The following RAG1 variants were observed in gnomAD, a reference collection of about 807,000 sequenced individuals.
The protein encoded by RAG1 is recombination activating 1, also known as V(D)J recombination-activating protein 1.
RAG1 carries 35 observed loss-of-function variants against 62.7 expected under a neutral mutation model. The observed-to-expected ratio is 0.56, with a 90% CI of 0.43 to 0.74. The LOEUF is 0.74. Ranked by LOEUF, RAG1 falls within the 30% of genes least tolerant of loss-of-function variation. RAG1 has a pLI of 0.00. For synonymous variants in RAG1, 461 were observed against 470.3 expected (o/e 0.98, Z 0.26); for missense variants, 1,169 against 1,278.6 (o/e 0.91, Z 1.31).
chr11:36,510,941 T>C lies in RAG1; in HGVS notation n.233T>C, dbSNP rs1452775767. 4 of 152,186 alleles carry C rather than the reference T, an allele frequency of 2.6e-5. No individual in the cohort carries two copies. In the East Asian group the frequency reaches 7.7e-4, roughly 29 times the overall value. 9.4% of individuals were successfully genotyped at this position (152,186 alleles called of 1,614,324 possible). ...CATATTTGGTTCATCGTCCACCTCT[T>C]AGGGGAGGTTTTCCAGGATAGTAGT... On this transcript the variant is annotated non_coding_transcript_exon_variant, in exon 1 of 3. Coordinates refer to the RAG1 transcript ENST00000529126.
In RAG1 at chr11:36,574,782, C is replaced by T. The variant is rs1850813324; in HGVS notation, c.1478C>T (p.Ala493Val). 6.2e-7 allele frequency: 1 copy of T among 1,614,086 alleles called. No homozygotes were observed. Among genetic ancestry groups the T allele is most frequent in the African/African-American group, 1.3e-5 (1 of 74,932 alleles). The change falls in exon 2 of 2, where the codon GCC (alanine) becomes GTC (valine). Residue 493 changes from alanine (A) to valine (V), a missense_variant. This residue lies in a region of RAG1 where 800 missense variants were observed against 943.3 expected (regional missense o/e 0.85). Coordinates refer to ENST00000299440, the MANE Select transcript of RAG1 (RefSeq NM_000448.3). ...QYHKMYRTVK[A>V]ITGRQIFQPL... The stretch of plus-strand genomic sequence containing the variant: ...CACAAGATGTACAGGACTGTGAAAG[C>T]CATCACAGGGAGACAGATTTTTCAG...
chr11:36,562,335 C>T (rs535967135), intron 3 of RAG1, among the ~76,000 whole-genome samples: 4 of 152,262 alleles, frequency 2.6e-5, no homozygotes, highest in East Asian at 1.9e-4. Context: ...TTGTATTTAA[C>T]GGTGTGCAAA....
chr11:36,515,715 G>A (rs995134163), intron 1 of RAG1, among the ~76,000 whole-genome samples: 7 of 152,084 alleles, frequency 4.6e-5, no homozygotes, highest in East Asian at 1.9e-4. Flanking sequence ...GGAGGCTCCC[G>A]GGGAGACTGT....
chr11:36,561,296 T>C (rs138838149), intron 3 of RAG1, among the ~76,000 whole-genome samples: 216 of 152,332 alleles, frequency 1.4e-3, no homozygotes, highest in African/African-American at 5.0e-3. Context: ...CATGGTCTCC[T>C]ACAACTTCCT....
chr11:36,515,301 T>G (rs1198352369), intron 1 of RAG1, among the ~76,000 whole-genome samples: 1 of 151,926 alleles, frequency 6.6e-6, no homozygotes, highest in Admixed American at 6.6e-5. Flanking sequence ...TTCGATATGA[T>G]GGGACCTAGG....
At chr11:36,572,925 C>T (rs895279005) in intron 1 of RAG1, among the ~76,000 whole-genome samples, 1 of 152,162 alleles carries the variant, frequency 6.6e-6, no homozygotes, top group Non-Finnish European at 1.5e-5. Context: ...GCCTGTTTAT[C>T]TTTACATTTA....
chr11:36,576,278 A>G lies in RAG1; in HGVS notation c.2974A>G (p.Lys992Glu), dbSNP rs539590514. 2.6e-5 allele frequency: 42 copies of G among 1,613,992 alleles called. No homozygotes were observed. The highest frequency in any genetic ancestry group is 2.7e-5 in the African/African-American group (2 of 74,926). ...ATGCTATGAGATGGAAGATGTCCTGAAACACCACTGGTTGTACACCTCCAA... is the reference window on the plus strand; with the variant it reads ...ATGCTATGAGATGGAAGATGTCCTGGAACACCACTGGTTGTACACCTCCAA... ...SKCYEMEDVL[K>E]HHWLYTSKYL... The change falls in exon 2 of 2, where the codon AAA (lysine) becomes GAA (glutamate). Residue 992 changes from lysine (K) to glutamate (E), a missense_variant. Coordinates refer to ENST00000299440, the MANE Select transcript of RAG1 (RefSeq NM_000448.3).
chr11:36,550,680 A>G (rs1850468392), intron 3 of RAG1, among the ~76,000 whole-genome samples: 1 of 152,138 alleles, frequency 6.6e-6, no homozygotes. Context: ...AAATGATGTC[A>G]TCAGTCTTTT....
intron 3 of RAG1, among the ~76,000 whole-genome samples, chr11:36,547,524 G>A (rs1343673115): frequency 3.3e-5 from 5 of 152,152 alleles, no homozygotes; most frequent in Non-Finnish European, 7.3e-5. Context: ...AGAAAATCTA[G>A]AAGAAATGGA....
intron 1 of RAG1, among the ~76,000 whole-genome samples, chr11:36,518,558 T>C (rs1860030096): frequency 6.6e-6 from 1 of 152,234 alleles, no homozygotes; most frequent in South Asian, 2.1e-4. Context: ...TGGTATCTCA[T>C]TGTGGTTTTG....
chr11:36,573,581 G>A lies in RAG1; in HGVS notation c.277G>A (p.Asp93Asn), dbSNP rs751291400. 24 of 1,613,978 alleles carry A rather than the reference G, an allele frequency of 1.5e-5. No individual in the cohort carries two copies. The highest frequency in any genetic ancestry group is 1.1e-4 in the South Asian group (10 of 91,074). Residue 93 changes from aspartate (D) to asparagine (N), a missense_variant, in exon 2 of 2, where the codon GAC (aspartate) becomes AAC (asparagine). Asp to Asn is a conservative substitution (Grantham distance 23). Transcript: ENST00000299440. Reference sequence around the variant, plus strand: ...CCCTAAGTTTTCAAAGAAATTTCACGACAACGAGAAAGCAAGAGGCAAAGC... The same window carrying A: ...CCCTAAGTTTTCAAAGAAATTTCACAACAACGAGAAAGCAAGAGGCAAAGC... ...AHPKFSKKFH[D>N]NEKARGKAIH...
At chr11:36,519,403 T>C (rs1242059147) in intron 1 of RAG1, among the ~76,000 whole-genome samples, 2 of 152,234 alleles carry the variant, frequency 1.3e-5, no homozygotes, top group African/African-American at 4.8e-5. Flanking sequence ...AAGTCACTTA[T>C]ATTTACTTCA....
chr11:36,560,514 C>A (rs1174221380), intron 3 of RAG1, among the ~76,000 whole-genome samples: 1 of 152,142 alleles, frequency 6.6e-6, no homozygotes, highest in Non-Finnish European at 1.5e-5. Flanking sequence ...TGCCAGGACA[C>A]TGGCTTCCAG....
intron 1 of RAG1, 30 bp downstream of exon 1, chr11:36,568,152 C>T (rs900942043): frequency 2.6e-5 from 4 of 152,112 alleles, no homozygotes; most frequent in Admixed American, 2.6e-4. Flanking sequence ...TGCCTTGAGC[C>T]AAAATATTTA....
At chr11:36,547,283 C>A (rs1353975344) in intron 3 of RAG1, among the ~76,000 whole-genome samples, 1 of 151,988 alleles carries the variant, frequency 6.6e-6, no homozygotes, top group Non-Finnish European at 1.5e-5. Context: ...AAGATCAGAG[C>A]AGAACTGATG....
At chr11:36,567,798 G>A (rs1219488491), upstream of RAG1, among the ~76,000 whole-genome samples, 2 of 152,176 alleles carry the variant, frequency 1.3e-5, no homozygotes, top group Admixed American at 1.3e-4. Flanking sequence ...TCTCAGGGAG[G>A]GAACTGGCAG....
At chr11:36,514,533 A>G (rs767894037) in intron 1 of RAG1, among the ~76,000 whole-genome samples, 1 of 152,196 alleles carries the variant, frequency 6.6e-6, no homozygotes, top group Non-Finnish European at 1.5e-5. Context: ...ACATTGCACT[A>G]TATAATGAAA....
chr11:36,529,061 G>T (rs955773674), intron 2 of RAG1, among the ~76,000 whole-genome samples: 2 of 152,080 alleles, frequency 1.3e-5, no homozygotes, highest in Admixed American at 1.3e-4. Context: ...TCTACCAGAG[G>T]TACATAGAGG....
chr11:36,577,851 A>C lies in RAG1; in HGVS notation c.*1415A>C, dbSNP rs540733693. On this transcript the variant is annotated 3_prime_UTR_variant, in exon 2 of 2. Transcript: ENST00000299440. ...AGGATTCACAACTAATCACTATAGC[A>C]CATGACCTTGGGATTACATTTTTAT... 6.6e-5 allele frequency: 11 copies of C among 167,232 alleles called. No homozygotes were observed. Among genetic ancestry groups the C allele is most frequent in the African/African-American group, 2.6e-4 (11 of 41,586 alleles). The allele number at this position is 167,232 out of a possible 1,614,324, so 10.4% of individuals were successfully genotyped here. A position where few individuals can be genotyped will look rare whatever the true frequency, so the allele number is the denominator to read the frequency against.
Sources: gnomAD v4.1 joint callset for allele counts (sites outside exome capture counted in the v4.1 genomes callset) on GRCh38, gnomAD v4.1.1 for gene constraint, gnomAD v4.1.1 regional missense constraint, MANE v1.5 for transcripts, NCBI Gene and HGNC (gene_info 2026-07-23, HGNC 2026-07-21) for gene names.